Variants in ANO3 observed in about 807,000 individuals in gnomAD.
The protein encoded by ANO3 is anoctamin 3.
In ANO3, 99 loss-of-function variants were observed where a neutral mutation model predicts 144.8. The observed-to-expected ratio is 0.68, with a 90% CI of 0.58 to 0.81. ANO3 has a LOEUF of 0.81. Among genes scored for constraint, ANO3 ranks in the 30% least tolerant of loss-of-function variants. The pLI, the probability that ANO3 is intolerant of heterozygous loss-of-function variation, is 0.00. For missense variants in ANO3, 905 were observed against 1,202.2 expected (o/e 0.75, Z 3.66); for synonymous variants, 414 against 392.6 (o/e 1.05, Z -0.64).
chr11:26,567,069 G>A, intron 14 of ANO3: 1 of 1,507,012 alleles, frequency 6.6e-7, no homozygotes, highest in South Asian at 1.3e-5. Flanking sequence ...CCTTGATGTG[G>A]CAAGAATAGA....
intron 4 of ANO3, among the ~76,000 whole-genome samples, chr11:26,505,719 T>G (rs1861399037): frequency 1.3e-5 from 2 of 152,104 alleles, no homozygotes; most frequent in South Asian, 4.1e-4. Context: ...ACACCTGTGA[T>G]CCTAGCACTT....
At chr11:26,359,045 T>C (rs1342802315) in intron 1 of ANO3, among the ~76,000 whole-genome samples, 1 of 152,200 alleles carries the variant, frequency 6.6e-6, no homozygotes, top group Non-Finnish European at 1.5e-5. Flanking sequence ...TTAGTTCTGG[T>C]TCAACTTTGA....
At chr11:26,353,901 T>C (rs1855712782) in intron 1 of ANO3, among the ~76,000 whole-genome samples, 1 of 152,230 alleles carries the variant, frequency 6.6e-6, no homozygotes, top group Non-Finnish European at 1.5e-5. Flanking sequence ...CACTACCAAT[T>C]TTAACAAGTT....
chr11:26,519,743 A>G (rs1455308575), intron 6 of ANO3, among the ~76,000 whole-genome samples: 2 of 152,176 alleles, frequency 1.3e-5, no homozygotes, highest in Admixed American at 6.5e-5. Flanking sequence ...GAATTTCAAC[A>G]TGTGAATTTT....
intron 18 of ANO3, among the ~76,000 whole-genome samples, chr11:26,624,819 A>C (rs1465122575): frequency 1.3e-5 from 2 of 152,132 alleles, no homozygotes; most frequent in Admixed American, 1.3e-4. Flanking sequence ...CTACATGTAC[A>C]CTTTTTAAAA....
chr11:26,441,839 T>G (rs1280958686), intron 1 of ANO3, 79 bp from the exon 2 acceptor site: 18 of 967,136 alleles, frequency 1.9e-5, no homozygotes, highest in Non-Finnish European at 2.8e-5. Context: ...CTGAAACAGG[T>G]ATCACAAGAA....
intron 21 of ANO3, 130 bp from the exon 22 acceptor site, chr11:26,641,766 A>G: frequency 9.8e-7 from 1 of 1,023,738 alleles, no homozygotes; most frequent in Non-Finnish European, 1.3e-6. Flanking sequence ...AACTTTTATA[A>G]AAGGTAAAAC....
At chr11:26,552,468 T>C (rs944709321) in intron 12 of ANO3, among the ~76,000 whole-genome samples, 9 of 152,070 alleles carry the variant, frequency 5.9e-5, no homozygotes, top group African/African-American at 2.2e-4. Flanking sequence ...CAGGGGATAC[T>C]AAATGGGAAA....
chr11:26,653,386 T>C (rs1398169932), intron 24 of ANO3, among the ~76,000 whole-genome samples: 2 of 152,008 alleles, frequency 1.3e-5, no homozygotes, highest in Non-Finnish European at 2.9e-5. Context: ...CTGGAAAACA[T>C]GTTGACCCTG....
At chr11:26,205,576 T>C (rs1851780489) in intron 1 of ANO3, among the ~76,000 whole-genome samples, 2 of 152,306 alleles carry the variant, frequency 1.3e-5, no homozygotes, top group South Asian at 4.1e-4. Flanking sequence ...TGGTCAGCTT[T>C]GGCCAGAGCA....
At chr11:26,423,067 A>G (rs1327046801) in intron 1 of ANO3, among the ~76,000 whole-genome samples, 1 of 151,966 alleles carries the variant, frequency 6.6e-6, no homozygotes, top group East Asian at 1.9e-4. Context: ...TATTTCTTTA[A>G]GTGTTACATT....
chr11:26,385,395 G>C lies in ANO3; in HGVS notation c.46+53074G>C, dbSNP rs147347463. ...TATAAATTATCTTACAGTTCTGGAG[G>C]TTAAAAATTCAAAATTAGACTCACT... is the stretch of plus-strand genomic sequence containing the variant. On this transcript the variant is annotated intron_variant, in intron 1 of 26. Coordinates refer to ENST00000256737, the MANE Select transcript of ANO3 (RefSeq NM_031418.4). Among the ~76,000 whole-genome samples the C allele has an allele frequency of 3.0e-4, 45 of 152,246 alleles. No individual in the cohort carries two copies. The East Asian group carries it at 8.5e-3, about 29-fold the overall frequency.
At chr11:26,288,181 A>G (rs1488629657) in intron 1 of ANO3, among the ~76,000 whole-genome samples, 4 of 152,204 alleles carry the variant, frequency 2.6e-5, no homozygotes, top group Non-Finnish European at 2.9e-5. Flanking sequence ...GAGAGGCATA[A>G]GAGAAGGGTG....
At chr11:26,211,357 C>T (rs12797146) in intron 1 of ANO3, among the ~76,000 whole-genome samples, 45,992 of 151,874 alleles carry the variant, frequency 0.3, 7,703 homozygotes, top group Non-Finnish European at 0.37. Context: ...CAGCTAATGC[C>T]GTGTTTAGAG....
intron 1 of ANO3, among the ~76,000 whole-genome samples, chr11:26,334,632 G>A (rs1321528381): frequency 6.6e-6 from 1 of 152,086 alleles, no homozygotes; most frequent in Non-Finnish European, 1.5e-5. Flanking sequence ...AATCCCTTTG[G>A]CCTTTTCTGT....
intron 1 of ANO3, among the ~76,000 whole-genome samples, chr11:26,348,525 TAA>T (rs971361209): frequency 6.6e-6 from 1 of 152,216 alleles, no homozygotes; most frequent in African/African-American, 2.4e-5. Flanking sequence ...CTTAATATTA[TAA>T]AGATGGCCAA....
intron 1 of ANO3, among the ~76,000 whole-genome samples, chr11:26,334,789 T>C (rs1855150788): frequency 6.6e-6 from 1 of 152,238 alleles, no homozygotes; most frequent in African/African-American, 2.4e-5. Context: ...GAATTTACTT[T>C]TGTTTTATTC....
chr11:26,379,147 ACTG>A (rs1303062422), intron 1 of ANO3, among the ~76,000 whole-genome samples: 1 of 152,164 alleles, frequency 6.6e-6, no homozygotes, highest in African/African-American at 2.4e-5. Context: ...TGGGGAAAGA[ACTG>A]CTACGAAGAT....
At chr11:26,378,692 G>A (rs1856486527) in intron 1 of ANO3, among the ~76,000 whole-genome samples, 1 of 151,976 alleles carries the variant, frequency 6.6e-6, no homozygotes, top group African/African-American at 2.4e-5. Flanking sequence ...AAATTGAGGT[G>A]AAATATTACC....
Sources: gnomAD v4.1 joint callset for allele counts (sites outside exome capture counted in the v4.1 genomes callset) on GRCh38, gnomAD v4.1.1 for gene constraint, MANE v1.5 for transcripts, NCBI Gene and HGNC (gene_info 2026-07-23, HGNC 2026-07-21) for gene names.